SIM2: variants seen among roughly 807,000 people sequenced by gnomAD.
The protein encoded by SIM2 is SIM bHLH transcription factor 2, also known as single-minded homolog 2.
Under a neutral mutation model 64.8 loss-of-function variants are expected in SIM2, and 28 were observed. The ratio of observed to expected loss-of-function variants is 0.43; its 90% confidence interval spans 0.32 to 0.59. The LOEUF is 0.59. Ranked by LOEUF, SIM2 falls within the 20% of genes least tolerant of loss-of-function variation. SIM2 has a pLI of 0.07. For missense variants in SIM2, 847 were observed against 871.4 expected, an observed-to-expected ratio of 0.97 and a Z score of 0.35; for synonymous variants, 408 against 391.1, an observed-to-expected ratio of 1.04 and a Z score of -0.51.
rs916773476 is a variant in SIM2, at chr21:36,745,398, C to T, written c.1576+262C>T. ...AGGAAAACCGAGTATCTGGCCTTCA[C>T]GTAAATCCTGGCCACATTCACCAAC... On this transcript the variant is annotated intron_variant, in intron 10 of 10. Coordinates refer to ENST00000290399, the MANE Select transcript of SIM2 (RefSeq NM_005069.6). The surrounding 1 kb of genome is among the most constrained non-coding windows in gnomAD (Gnocchi z 4.8). 1.8e-5 allele frequency: 24 copies of T among 1,347,158 alleles called. No individual in the cohort carries two copies. The South Asian group carries it at 3.0e-4, about 17-fold the overall frequency. The allele number at this position is 1,347,158 out of a possible 1,614,324, so 83.5% of individuals were successfully genotyped here.
intron 6 of SIM2, 73 bp from the exon 7 acceptor site, chr21:36,730,972 A>C: frequency 9.0e-7 from 1 of 1,114,562 alleles, no homozygotes; most frequent in East Asian, 2.4e-5. Context: ...ATTAGTTGGC[A>C]AAACCAATAT....
chr21:36,737,618 C>G (rs1355490492), intron 7 of SIM2, among the ~76,000 whole-genome samples: 1 of 152,164 alleles, frequency 6.6e-6, no homozygotes, highest in Non-Finnish European at 1.5e-5. Flanking sequence ...AGAATTTCAC[C>G]CGGCTCTCTA....
chr21:36,721,026 T>G (rs1194630363), intron 4 of SIM2, among the ~76,000 whole-genome samples: 1 of 152,046 alleles, frequency 6.6e-6, no homozygotes, highest in Non-Finnish European at 1.5e-5. Flanking sequence ...TGGGGGTTGG[T>G]GGGGAGAGGT....
intron 3 of SIM2, 85 bp from the exon 4 acceptor site, chr21:36,719,736 T>A: frequency 1.3e-6 from 1 of 777,878 alleles, no homozygotes; most frequent in Non-Finnish European, 2.3e-6. Context: ...CCTGGCAGGG[T>A]GAGCACCTGT....
chr21:36,707,329 A>G (rs761458109), intron 1 of SIM2, among the ~76,000 whole-genome samples: 1 of 152,116 alleles, frequency 6.6e-6, no homozygotes, highest in Non-Finnish European at 1.5e-5. Context: ...GCCTGGGAGG[A>G]AGGACCCGCT....
rs78651590 is a variant in SIM2, at chr21:36,741,813, A to G, written c.947A>G (p.Asn316Ser). The G allele has an allele frequency of 1.1e-4, 182 of 1,609,002 alleles. No homozygotes were observed. Among genetic ancestry groups the G allele is most frequent in the Admixed American group, 1.3e-4 (8 of 59,570 alleles). Reference sequence around the variant, plus strand: ...CAGAGCTACGCCACCGTGGTGCACAACAGCCGCTCGTCCCGGCCCCACTGC... The same window carrying G: ...CAGAGCTACGCCACCGTGGTGCACAGCAGCCGCTCGTCCCGGCCCCACTGC... ...WVQSYATVVH[N>S]SRSSRPHCIV... Residue 316 changes from asparagine to serine, a missense_variant, in exon 8 of 11, where the codon AAC becomes AGC. Physicochemically the swap from Asn to Ser is conservative, Grantham distance 46. Transcript: ENST00000290399.
chr21:36,713,308 G>A (rs2088701243), intron 3 of SIM2, among the ~76,000 whole-genome samples: 1 of 152,140 alleles, frequency 6.6e-6, no homozygotes, highest in Non-Finnish European at 1.5e-5. Context: ...GAGGAAAGAG[G>A]GGGACTCAGC....
At position 36,743,505 on chromosome 21, in the gene SIM2, A is replaced by T; in HGVS notation, c.1117A>T (p.Lys373Ter). 6.2e-7 allele frequency: 1 copy of T among 1,614,048 alleles called. No homozygotes were observed. The highest frequency in any genetic ancestry group is 1.1e-5 in the South Asian group (1 of 91,080). Residue 373 changes from lysine to a stop codon, truncating the protein, a stop_gained, in exon 9 of 11, where the codon AAA becomes TAA. Transcript: ENST00000290399. LOFTEE classifies it high-confidence loss of function. Reference protein sequence around the residue: ...SQETRKLVKPKNTKMKTKLRT... With the variant: ...SQETRKLVKP ...AGAAACTAGGAAATTAGTGAAACCC[A>T]AAAATACCAAGATGAAGACAAAGCT...
chr21:36,736,625 G>A (rs964929530), intron 7 of SIM2, among the ~76,000 whole-genome samples: 11 of 152,134 alleles, frequency 7.2e-5, no homozygotes, highest in African/African-American at 2.4e-4. Flanking sequence ...AGAGAAGGGG[G>A]CATGCGGGCG....
At chr21:36,715,518 T>C (rs539646955) in intron 3 of SIM2, among the ~76,000 whole-genome samples, 1 of 152,344 alleles carries the variant, frequency 6.6e-6, no homozygotes, top group South Asian at 2.1e-4. Flanking sequence ...TTAAAAAGAA[T>C]TTCTGATGAA....
intron 6 of SIM2, among the ~76,000 whole-genome samples, chr21:36,730,273 T>A (rs1465781706): frequency 6.6e-6 from 1 of 152,146 alleles, no homozygotes; most frequent in African/African-American, 2.4e-5. Flanking sequence ...GGTGTCTACA[T>A]AAAACAGAAA....
chr21:36,722,899 G>T, intron 4 of SIM2, 146 bp from the exon 5 acceptor site: 1 of 677,400 alleles, frequency 1.5e-6, no homozygotes. Flanking sequence ...CTCAGCCAAG[G>T]CCGAAGATCT....
chr21:36,714,140 T>A (rs907843629), intron 3 of SIM2, among the ~76,000 whole-genome samples: 21 of 152,280 alleles, frequency 1.4e-4, no homozygotes, highest in African/African-American at 4.3e-4. Flanking sequence ...TCTGAATTTT[T>A]ATCTTGCCCT....
At chr21:36,741,528 T>C (rs2089157419) in intron 7 of SIM2, among the ~76,000 whole-genome samples, 189 bp from the exon 8 acceptor site, 1 of 152,012 alleles carries the variant, frequency 6.6e-6, no homozygotes, top group Non-Finnish European at 1.5e-5. Context: ...TGTGTGCACA[T>C]GTATATGCAC....
rs143824774 is a variant in SIM2, at chr21:36,739,291, T to C, written c.851-2426T>C. 2.7e-3 allele frequency among the ~76,000 whole-genome samples: 416 copies of C among 152,252 alleles called. 2 individuals carry two copies. The highest frequency in any genetic ancestry group is 4.4e-3 in the Non-Finnish European group (300 of 68,018). On this transcript the variant is annotated intron_variant, in intron 7 of 10. Coordinates refer to ENST00000290399, the MANE Select transcript of SIM2 (RefSeq NM_005069.6). ...TTTTTTTATAAATGAGGAAATTGAG[T>C]CACAGGGGGGTTGGTAGCTAGTCTA...
intron 1 of SIM2, among the ~76,000 whole-genome samples, chr21:36,706,599 C>T (rs1325614379): frequency 6.6e-6 from 1 of 152,254 alleles, no homozygotes; most frequent in Non-Finnish European, 1.5e-5. Context: ...TTTACAGTAT[C>T]AAGACAATTT....
chr21:36,707,093 C>T (rs77473618), intron 1 of SIM2, among the ~76,000 whole-genome samples: 5,309 of 152,284 alleles, frequency 0.035, 89 homozygotes, highest in African/African-American at 0.041. Flanking sequence ...GGCCCAGAGG[C>T]CACGCTCACC....
Position 36,705,385 on chromosome 21 carries a change from G to C in SIM2, c.176-3783G>C, listed in dbSNP as rs536063102. Among the ~76,000 whole-genome samples the C allele has an allele frequency of 4.6e-5, 7 of 152,320 alleles. No homozygotes were observed. In the East Asian group the frequency reaches 7.7e-4, roughly 17 times the overall value. On this transcript the variant is annotated intron_variant, in intron 1 of 10. Coordinates refer to ENST00000290399, the MANE Select transcript of SIM2 (RefSeq NM_005069.6). ...ATGGCCGGCAACGCGCCGAGGTCACGCTCCCCAGAAACACCCCTCTCCCCT... is the reference window on the plus strand; with the variant it reads ...ATGGCCGGCAACGCGCCGAGGTCACCCTCCCCAGAAACACCCCTCTCCCCT...
chr21:36,713,643 A>G (rs1314745959), intron 3 of SIM2, among the ~76,000 whole-genome samples: 1 of 152,216 alleles, frequency 6.6e-6, no homozygotes, highest in African/African-American at 2.4e-5. Flanking sequence ...AAAATAAAAC[A>G]TGCCGATTAA....
Sources: gnomAD v4.1 joint callset for allele counts (sites outside exome capture counted in the v4.1 genomes callset) on GRCh38, gnomAD v4.1.1 for gene constraint, Gnocchi (gnomAD v3.1) non-coding constraint, MANE v1.5 for transcripts, NCBI Gene and HGNC (gene_info 2026-07-23, HGNC 2026-07-21) for gene names.